The following LARGE1 variants were observed in gnomAD, a reference collection of about 807,000 sequenced individuals.
LARGE1 encodes xylosyl- and glucuronyltransferase LARGE1.
Under a neutral mutation model 87.6 loss-of-function variants are expected in LARGE1, and 43 were observed. The ratio of observed to expected loss-of-function variants is 0.49; its 90% confidence interval spans 0.38 to 0.63. The LOEUF is 0.63. LARGE1 is among the 30% of genes least tolerant of loss of function. LARGE1 has a pLI of 0.00. For synonymous variants in LARGE1, 434 were observed against 394.6 expected (o/e 1.10, Z -1.18); for missense variants, 802 against 1,000.2 (o/e 0.80, Z 2.67).
chr22:33,086,412 T>C, the LARGE1 span, among the ~76,000 whole-genome samples: 6 of 152,130 alleles, frequency 3.9e-5, no homozygotes, highest in African/African-American at 1.4e-4. Flanking sequence ...GTAGTGTCTC[T>C]ATTATTCTCA....
chr22:33,546,040 C>T (rs535663937), intron 6 of LARGE1, among the ~76,000 whole-genome samples: 18 of 152,278 alleles, frequency 1.2e-4, no homozygotes, highest in African/African-American at 2.6e-4. Flanking sequence ...CTCTGACAAG[C>T]GCACACTCAC....
At chr22:33,471,789 C>G (rs2068853158) in intron 6 of LARGE1, among the ~76,000 whole-genome samples, 1 of 152,140 alleles carries the variant, frequency 6.6e-6, no homozygotes, top group Admixed American at 6.5e-5. Flanking sequence ...AATCCCAGCA[C>G]TTTGGGAGGC....
chr22:33,907,440 C>T (rs1219131678), intron 1 of LARGE1, among the ~76,000 whole-genome samples: 1 of 152,316 alleles, frequency 6.6e-6, no homozygotes, highest in Non-Finnish European at 1.5e-5. Flanking sequence ...ATTATGACTG[C>T]CATTCTGCAT....
At chr22:33,749,843 C>G (rs920457243) in intron 2 of LARGE1, among the ~76,000 whole-genome samples, 1 of 152,116 alleles carries the variant, frequency 6.6e-6, no homozygotes, top group African/African-American at 2.4e-5. Flanking sequence ...TTGAGCATAT[C>G]GACTTTGAAA....
intron 11 of LARGE1, among the ~76,000 whole-genome samples, chr22:33,264,119 G>C (rs751251736): frequency 6.6e-6 from 1 of 152,216 alleles, no homozygotes; most frequent in East Asian, 1.9e-4. Flanking sequence ...AACTGAATTT[G>C]TGTTTACAAA....
At chr22:33,820,722 C>T (rs1237864166) in intron 1 of LARGE1, among the ~76,000 whole-genome samples, 1 of 152,112 alleles carries the variant, frequency 6.6e-6, no homozygotes, top group Non-Finnish European at 1.5e-5. Context: ...CCTATACTTC[C>T]TCTCTACCCC....
At chr22:33,735,153 AAAG>A (rs2083609007) in intron 2 of LARGE1, among the ~76,000 whole-genome samples, 1 of 152,226 alleles carries the variant, frequency 6.6e-6, no homozygotes, top group Non-Finnish European at 1.5e-5. Flanking sequence ...GCTGATCATG[AAAG>A]AAGCTTTGGC....
chr22:33,501,039 A>C (rs2148364711), intron 6 of LARGE1, among the ~76,000 whole-genome samples: 1 of 152,080 alleles, frequency 6.6e-6, no homozygotes, highest in South Asian at 2.1e-4. Flanking sequence ...ACAGCCTAGG[A>C]CCCTCCATGA....
At chr22:33,572,967 A>C (rs2078250828) in intron 5 of LARGE1, among the ~76,000 whole-genome samples, 1 of 152,172 alleles carries the variant, frequency 6.6e-6, no homozygotes, top group South Asian at 2.1e-4. Flanking sequence ...ATCATTCACT[A>C]TCTGAGTCAT....
At position 33,582,224 on chromosome 22, in the gene LARGE1, C is replaced by T. The variant is rs145101172; in HGVS notation, c.616-17205G>A. 9.6e-3 allele frequency among the ~76,000 whole-genome samples: 1,465 copies of T among 152,182 alleles called. 11 individuals are homozygous for T. Among genetic ancestry groups the T allele is most frequent in the Non-Finnish European group, 0.015 (997 of 68,000 alleles). On this transcript the variant is annotated intron_variant, in intron 5 of 14. Transcript: ENST00000397394. ...CCCCCGCAACAAAAAACTATCTGGCCCAGAACATCATGAGTGCTAAGGTTG... is the reference window on the plus strand; with the variant it reads ...CCCCCGCAACAAAAAACTATCTGGCTCAGAACATCATGAGTGCTAAGGTTG...
intron 6 of LARGE1, among the ~76,000 whole-genome samples, chr22:33,443,559 C>G (rs1428302218): frequency 6.6e-6 from 1 of 152,116 alleles, no homozygotes; most frequent in Non-Finnish European, 1.5e-5. Context: ...GACATCCTAC[C>G]CAGGGCACCT....
chr22:33,655,695 G>T (rs555125395), intron 2 of LARGE1, among the ~76,000 whole-genome samples: 1 of 152,262 alleles, frequency 6.6e-6, no homozygotes. Context: ...CCAATCTCCA[G>T]TCTCCATCCC....
At chr22:33,445,021 G>C (rs946782034) in intron 6 of LARGE1, among the ~76,000 whole-genome samples, 2 of 152,078 alleles carry the variant, frequency 1.3e-5, no homozygotes, top group Non-Finnish European at 2.9e-5. Flanking sequence ...GTAGAGACGC[G>C]GTTTCGCCAT....
chr22:33,127,852 T>C, the LARGE1 span, among the ~76,000 whole-genome samples: 3 of 152,216 alleles, frequency 2.0e-5, no homozygotes, highest in South Asian at 2.1e-4. Flanking sequence ...GAGTGAGATA[T>C]TGGGAGATAG....
chr22:33,575,115 G>A (rs1192155179), intron 5 of LARGE1, among the ~76,000 whole-genome samples: 2 of 152,002 alleles, frequency 1.3e-5, no homozygotes, highest in South Asian at 2.1e-4. Context: ...CCAGCACCCC[G>A]GGTGATTCAA....
intron 2 of LARGE1, among the ~76,000 whole-genome samples, chr22:33,674,589 C>T (rs1045977300): frequency 6.6e-6 from 1 of 152,190 alleles, no homozygotes; most frequent in African/African-American, 2.4e-5. Context: ...ACTCTCAGTG[C>T]CCCAGGTATG....
At chr22:33,583,906 A>G (rs755061981) in intron 5 of LARGE1, among the ~76,000 whole-genome samples, 1 of 152,214 alleles carries the variant, frequency 6.6e-6, no homozygotes, top group Non-Finnish European at 1.5e-5. Context: ...CTTTCTTTTA[A>G]TCAAAATGTG....
intron 11 of LARGE1, among the ~76,000 whole-genome samples, chr22:33,184,576 C>T (rs9607019): frequency 0.45 from 68,399 of 150,796 alleles, 15,769 homozygotes; most frequent in Middle Eastern, 0.5. Context: ...AAAACAGAAG[C>T]AAATTAGGAA....
chr22:33,895,658 C>A (rs1306779556), intron 1 of LARGE1, among the ~76,000 whole-genome samples: 1 of 152,214 alleles, frequency 6.6e-6, no homozygotes, highest in Non-Finnish European at 1.5e-5. Context: ...CAGTTCCTTG[C>A]CACATGGGCT....
Sources: allele counts gnomAD v4.1 joint callset (sites outside exome capture counted in the v4.1 genomes callset), GRCh38; gene constraint gnomAD v4.1.1; transcripts MANE v1.5; gene names NCBI Gene and HGNC (gene_info 2026-07-23, HGNC 2026-07-21).